SPOCK3: variants seen among roughly 807,000 people sequenced by gnomAD.
SPOCK3 encodes the protein SPARC (osteonectin), cwcv and kazal like domains proteoglycan 3.
SPOCK3 carries 30 observed loss-of-function variants against 56.6 expected under a neutral mutation model. The observed-to-expected ratio is 0.53, with a 90% CI of 0.40 to 0.72. The LOEUF (loss-of-function observed/expected upper bound fraction) is 0.72. SPOCK3 is among the 30% of genes least tolerant of loss of function. The pLI is 0.00. For synonymous variants in SPOCK3, 196 were observed against 183.3 expected, an observed-to-expected ratio of 1.07 and a Z score of -0.56; for missense variants, 527 against 530.0, an observed-to-expected ratio of 0.99 and a Z score of 0.06.
chr4:167,045,808 G>A (rs983757292), intron 3 of SPOCK3, among the ~76,000 whole-genome samples: 4 of 151,894 alleles, frequency 2.6e-5, no homozygotes, highest in Non-Finnish European at 5.9e-5. Flanking sequence ...ATACACTGTT[G>A]CTATTATAAT....
At chr4:167,207,432 T>C (rs146089925) in intron 2 of SPOCK3, among the ~76,000 whole-genome samples, 1 of 152,190 alleles carries the variant, frequency 6.6e-6, no homozygotes, top group East Asian at 1.9e-4. Context: ...ATGTAGGAAA[T>C]AAAAATAATA....
intron 4 of SPOCK3, among the ~76,000 whole-genome samples, chr4:166,956,255 A>T (rs1411455593): frequency 6.7e-6 from 1 of 149,330 alleles, no homozygotes; most frequent in African/African-American, 2.5e-5. Flanking sequence ...TTTCCTATAG[A>T]TCCATATATG....
chr4:167,052,771 A>G (rs374727565), intron 3 of SPOCK3, among the ~76,000 whole-genome samples: 2 of 152,348 alleles, frequency 1.3e-5, no homozygotes, highest in South Asian at 2.1e-4. Context: ...AGCATAAAAA[A>G]TAAATGATAC....
intron 4 of SPOCK3, among the ~76,000 whole-genome samples, chr4:166,950,583 A>G (rs926828988): frequency 1.3e-5 from 2 of 151,756 alleles, no homozygotes; most frequent in Admixed American, 6.6e-5. Flanking sequence ...CACCAAGAGG[A>G]CCTAATAGAC....
At chr4:167,173,407 T>C (rs980497503) in intron 2 of SPOCK3, among the ~76,000 whole-genome samples, 1 of 152,178 alleles carries the variant, frequency 6.6e-6, no homozygotes, top group Admixed American at 6.6e-5. Context: ...AGTTTGAGGC[T>C]GTATTTCCAA....
chr4:167,171,462 GC>G (rs764300780), intron 2 of SPOCK3, among the ~76,000 whole-genome samples: 2 of 152,122 alleles, frequency 1.3e-5, no homozygotes, highest in Admixed American at 6.6e-5. Context: ...TACAAAAGGT[GC>G]TTAAGTTCTC....
chr4:167,188,008 G>A (rs1285111351), intron 2 of SPOCK3, among the ~76,000 whole-genome samples: 6 of 147,840 alleles, frequency 4.1e-5, no homozygotes, highest in Non-Finnish European at 8.9e-5. Context: ...TAGGAATACT[G>A]AGAAATCTGC....
chr4:166,998,691 G>A (rs138488738), intron 4 of SPOCK3, among the ~76,000 whole-genome samples: 3 of 152,206 alleles, frequency 2.0e-5, no homozygotes, highest in African/African-American at 7.2e-5. Flanking sequence ...GGGGTGAAGT[G>A]GCAGGTGAAT....
chr4:166,789,273 T>C (rs1741072126), intron 7 of SPOCK3, among the ~76,000 whole-genome samples: 1 of 151,578 alleles, frequency 6.6e-6, no homozygotes, highest in Non-Finnish European at 1.5e-5. Flanking sequence ...CTACTAAAAA[T>C]ACAAAATAAC....
chr4:166,911,535 G>C (rs952514968), intron 5 of SPOCK3, among the ~76,000 whole-genome samples: 1 of 151,942 alleles, frequency 6.6e-6, no homozygotes, highest in Non-Finnish European at 1.5e-5. Flanking sequence ...ATATGTTTTT[G>C]TTTTTGTTTT....
chr4:167,184,877 G>C (rs1221883542), intron 2 of SPOCK3, among the ~76,000 whole-genome samples: 1 of 152,154 alleles, frequency 6.6e-6, no homozygotes, highest in African/African-American at 2.4e-5. Context: ...AGAGTGAGCT[G>C]GGGTAAGTCT....
rs575098998 is a variant in SPOCK3, at chr4:167,217,644, G to T, written c.189+16341C>A. Among the ~76,000 whole-genome samples, 3 of 151,896 alleles carry T rather than the reference G, an allele frequency of 2.0e-5. No individual in the cohort carries two copies. The East Asian group carries it at 5.8e-4, about 29-fold the overall frequency. On this transcript the variant is annotated intron_variant, in intron 2 of 10. Transcript: ENST00000357545. The stretch of plus-strand genomic sequence containing the variant: ...TCAAAAACCTAAAAAATATGCTACT[G>T]CAAATTCGTATAACATACAAAATTC...
At chr4:166,753,097 G>T (rs924271901) in intron 8 of SPOCK3, among the ~76,000 whole-genome samples, 1 of 151,742 alleles carries the variant, frequency 6.6e-6, no homozygotes, top group Non-Finnish European at 1.5e-5. Flanking sequence ...CTAAGATAAA[G>T]AATTTATCGA....
intron 3 of SPOCK3, among the ~76,000 whole-genome samples, chr4:167,003,832 T>C (rs1749190585): frequency 6.6e-6 from 1 of 152,230 alleles, no homozygotes; most frequent in South Asian, 2.1e-4. Flanking sequence ...ATCTGTATTT[T>C]AAACAACTGC....
At chr4:167,167,178 A>G (rs994406205) in intron 2 of SPOCK3, among the ~76,000 whole-genome samples, 2 of 152,190 alleles carry the variant, frequency 1.3e-5, no homozygotes, top group African/African-American at 4.8e-5. Context: ...TTGATTACAA[A>G]GAATGAGATC....
intron 2 of SPOCK3, among the ~76,000 whole-genome samples, chr4:167,109,572 T>C (rs1300959206): frequency 2.9e-5 from 4 of 136,054 alleles, no homozygotes; most frequent in Non-Finnish European, 4.6e-5. Flanking sequence ...GTTACAAATA[T>C]ATATATTTAT....
intron 2 of SPOCK3, among the ~76,000 whole-genome samples, chr4:167,116,911 G>GTATATATATATATATATATATATA (rs1279038321): frequency 1.7e-5 from 2 of 115,388 alleles, no homozygotes; most frequent in Non-Finnish European, 3.5e-5. Flanking sequence ...GTGTGTGTGT[G>GTATATATATATATATATATATATA]TGTATATATA....
intron 4 of SPOCK3, among the ~76,000 whole-genome samples, chr4:166,964,911 T>C (rs1354178772): frequency 1.3e-5 from 2 of 151,956 alleles, no homozygotes; most frequent in Non-Finnish European, 2.9e-5. Context: ...TGTGACTCCA[T>C]GCCCAGGAAT....
intron 3 of SPOCK3, among the ~76,000 whole-genome samples, chr4:167,020,960 T>C (rs1327454484): frequency 1.3e-5 from 2 of 152,084 alleles, no homozygotes; most frequent in African/African-American, 4.8e-5. Flanking sequence ...AAAAAGTGAA[T>C]TCCAAATTCT....
Sources: allele counts gnomAD v4.1 joint callset (sites outside exome capture counted in the v4.1 genomes callset), GRCh38; gene constraint gnomAD v4.1.1; transcripts MANE v1.5; gene names NCBI Gene and HGNC (gene_info 2026-07-23, HGNC 2026-07-21).